The following CREB5 variants were observed in gnomAD, a reference collection of about 807,000 sequenced individuals.
CREB5 encodes the protein cAMP responsive element binding protein 5.
A neutral mutation model predicts 57.1 loss-of-function variants in CREB5; 19 were observed. That is an observed-to-expected ratio of 0.33 (90% CI 0.23 to 0.49). The LOEUF (loss-of-function observed/expected upper bound fraction) is 0.49. Ranked by LOEUF, CREB5 falls within the 20% of genes least tolerant of loss-of-function variation. The pLI is 0.99. For missense variants in CREB5, 579 were observed against 671.6 expected, an observed-to-expected ratio of 0.86 and a Z score of 1.52; for synonymous variants, 238 against 238.3, an observed-to-expected ratio of 1.00 and a Z score of 0.01.
At position 28,418,284 on chromosome 7, in the gene CREB5, C is replaced by T. The variant is rs114778862; in HGVS notation, c.3+5367C>T. ...AGAATCAATGTTTTTCAATGCACAT[C>T]AGAATGCTTTATTTTAATATACCTG... On this transcript the variant is annotated intron_variant, in intron 1 of 10. Coordinates refer to ENST00000357727, the MANE Select transcript of CREB5 (RefSeq NM_182898.4). Among the ~76,000 whole-genome samples the T allele has an allele frequency of 3.4e-3, 520 of 152,346 alleles. 4 individuals are homozygous for T. The highest frequency in any genetic ancestry group is 0.012 in the African/African-American group (502 of 41,570).
At chr7:28,322,220 C>T (rs1306912288) in intron 1 of CREB5, among the ~76,000 whole-genome samples, 1 of 151,970 alleles carries the variant, frequency 6.6e-6, no homozygotes, top group East Asian at 1.9e-4. Flanking sequence ...TTGGGTAAAA[C>T]AGAATTAACG....
At position 28,565,934 on chromosome 7, in the gene CREB5, A is replaced by G. The variant is rs532004186; in HGVS notation, c.292-4431A>G. 3.9e-5 allele frequency among the ~76,000 whole-genome samples: 6 copies of G among 152,286 alleles called. No individual in the cohort carries two copies. In the South Asian group the frequency reaches 6.2e-4, roughly 16 times the overall value. The stretch of plus-strand genomic sequence containing the variant: ...AGACTCTGTCTGAAAATAAAAAACA[A>G]AAGAAATTATGCCATCTGGAGCAAC... On this transcript the variant is annotated intron_variant, in intron 4 of 10. Transcript: ENST00000357727.
At position 28,683,837 on chromosome 7, in the gene CREB5, C is replaced by G. The variant is rs372924277; in HGVS notation, c.465-34916C>G. ...AGAAGCCTGGTATCTAGTGGATTCA[C>G]CCCGGCCCTCTAATGTGGTATAAGG... On this transcript the variant is annotated intron_variant, in intron 5 of 10. Transcript: ENST00000357727. 7.2e-5 allele frequency among the ~76,000 whole-genome samples: 11 copies of G among 152,122 alleles called. No homozygotes were observed. The East Asian group carries it at 1.3e-3, about 19-fold the overall frequency.
chr7:28,463,529 T>A (rs1483603957), intron 1 of CREB5, among the ~76,000 whole-genome samples: 1 of 148,708 alleles, frequency 6.7e-6, no homozygotes. Flanking sequence ...TATTGCCATC[T>A]AACGATACTA....
chr7:28,725,863 G>A (rs1326494726), intron 7 of CREB5, among the ~76,000 whole-genome samples: 2 of 152,082 alleles, frequency 1.3e-5, no homozygotes, highest in African/African-American at 4.8e-5. Flanking sequence ...ATAGATATTA[G>A]GTAGATTCTA....
intron 7 of CREB5, among the ~76,000 whole-genome samples, chr7:28,731,111 A>G (rs908789493): frequency 6.6e-6 from 1 of 152,212 alleles, no homozygotes; most frequent in South Asian, 2.1e-4. Context: ...GTTATTAAAG[A>G]ATTAAAAGCA....
chr7:28,704,579 C>A (rs1345706943), intron 5 of CREB5, among the ~76,000 whole-genome samples: 2 of 152,026 alleles, frequency 1.3e-5, no homozygotes, highest in African/African-American at 2.4e-5. Context: ...CCACCTTAGC[C>A]TCCCAAGTAG....
In CREB5 at chr7:28,520,410, A is replaced by AT. The variant is rs200681608; in HGVS notation, c.291+12675dup. Among the ~76,000 whole-genome samples the AT allele has an allele frequency of 4.2e-3, 646 of 152,268 alleles. 5 individuals carry two copies. Among genetic ancestry groups the AT allele is most frequent in the African/African-American group, 0.014 (592 of 41,556 alleles). On this transcript the variant is annotated intron_variant, in intron 4 of 10. Transcript: ENST00000357727. ...CCAAACAAGAATTACTCATATTTGC[A>AT]TTCTCCTTTCCTATCCGTGGAAAAG...
intron 1 of CREB5, among the ~76,000 whole-genome samples, chr7:28,365,646 A>G (rs1786571457): frequency 6.6e-6 from 1 of 152,224 alleles, no homozygotes. Context: ...TCTTCAACAG[A>G]TTCCAACTGG....
At chr7:28,523,814 C>T (rs922073249) in intron 4 of CREB5, among the ~76,000 whole-genome samples, 1 of 152,220 alleles carries the variant, frequency 6.6e-6, no homozygotes, top group African/African-American at 2.4e-5. Context: ...TCTCTGATCT[C>T]CCCTCACCTG....
Position 28,624,794 on chromosome 7 carries a change from C to G in CREB5, c.464+54257C>G, listed in dbSNP as rs575989476. The stretch of plus-strand genomic sequence containing the variant: ...CTTCCCTATAAAAGGAAAGGCTGGC[C>G]CAGATGGTCTGACAGCTCCTAGTGC... On this transcript the variant is annotated intron_variant, in intron 5 of 10. Coordinates refer to ENST00000357727, the MANE Select transcript of CREB5 (RefSeq NM_182898.4). 4.9e-4 allele frequency among the ~76,000 whole-genome samples: 74 copies of G among 152,132 alleles called. No individual in the cohort carries two copies. In the Middle Eastern group the frequency reaches 0.017, roughly 35 times the overall value.
At chr7:28,401,684 T>C (rs552581315) in intron 1 of CREB5, among the ~76,000 whole-genome samples, 1 of 152,230 alleles carries the variant, frequency 6.6e-6, no homozygotes, top group African/African-American at 2.4e-5. Context: ...GTCCTTGCGA[T>C]AGTTTGCTGA....
chr7:28,370,072 T>C (rs1462821852), intron 1 of CREB5, among the ~76,000 whole-genome samples: 1 of 152,206 alleles, frequency 6.6e-6, no homozygotes, highest in African/African-American at 2.4e-5. Flanking sequence ...ATTACTATAA[T>C]GTCTTTGCAT....
chr7:28,615,478 A>C (rs1797562055), intron 5 of CREB5: 1 of 152,362 alleles, frequency 6.6e-6, no homozygotes, highest in Non-Finnish European at 1.5e-5. Flanking sequence ...GTCCTCGAGC[A>C]GACAGGTGAT....
intron 7 of CREB5, among the ~76,000 whole-genome samples, chr7:28,748,940 CA>C (rs1448989801): frequency 6.6e-6 from 1 of 152,186 alleles, no homozygotes; most frequent in Non-Finnish European, 1.5e-5. Context: ...ACAAAGAAAG[CA>C]ACCAAAGAGT....
At chr7:28,336,003 T>C (rs1460392272) in intron 1 of CREB5, among the ~76,000 whole-genome samples, 1 of 152,160 alleles carries the variant, frequency 6.6e-6, no homozygotes, top group Non-Finnish European at 1.5e-5. Context: ...TCATGTTGAT[T>C]GATTTGCATA....
intron 1 of CREB5, among the ~76,000 whole-genome samples, chr7:28,381,265 C>G (rs1402293087): frequency 3.3e-5 from 5 of 152,122 alleles, no homozygotes; most frequent in African/African-American, 1.2e-4. Flanking sequence ...CTTTTAACCC[C>G]AAGGAGGGAA....
chr7:28,572,815 G>A (rs2128650379), intron 5 of CREB5, among the ~76,000 whole-genome samples: 1 of 152,314 alleles, frequency 6.6e-6, no homozygotes, highest in East Asian at 1.9e-4. Flanking sequence ...CTGGATGGAG[G>A]CGGGTGTTTC....
intron 4 of CREB5, among the ~76,000 whole-genome samples, chr7:28,549,151 T>C (rs993029867): frequency 2.6e-5 from 4 of 152,216 alleles, no homozygotes; most frequent in African/African-American, 9.7e-5. Context: ...CATTTATTTT[T>C]GCATGATGTT....
Sources: gnomAD v4.1 joint callset for allele counts (sites outside exome capture counted in the v4.1 genomes callset) on GRCh38, gnomAD v4.1.1 for gene constraint, MANE v1.5 for transcripts, NCBI Gene and HGNC (gene_info 2026-07-23, HGNC 2026-07-21) for gene names.